The following PIERCE2 variants were observed in gnomAD, a reference collection of about 807,000 sequenced individuals.
PIERCE2 encodes the protein piercer of microtubule wall 2.
chr15:55,416,877 C>T, the PIERCE2 span, among the ~76,000 whole-genome samples: 1 of 152,128 alleles, frequency 6.6e-6, no homozygotes, highest in Admixed American at 6.5e-5. Context: ...AGGAGAATTG[C>T]TTGAACCCGG....
the PIERCE2 span, among the ~76,000 whole-genome samples, chr15:55,414,090 G>A: frequency 6.6e-6 from 1 of 151,510 alleles, no homozygotes; most frequent in Non-Finnish European, 1.5e-5. Context: ...GTAGAGACAG[G>A]GTTTCACCGC....
At chr15:55,416,519 T>C in the PIERCE2 span, among the ~76,000 whole-genome samples, 2 of 152,182 alleles carry the variant, frequency 1.3e-5, no homozygotes, top group African/African-American at 4.8e-5. Context: ...TATTACATTG[T>C]AGTACATTGT....
At chr15:55,417,070 C>T in the PIERCE2 span, among the ~76,000 whole-genome samples, 1 of 152,170 alleles carries the variant, frequency 6.6e-6, no homozygotes, top group East Asian at 1.9e-4. Context: ...CAGCTCCTCA[C>T]CACATTCACA....
the PIERCE2 span, among the ~76,000 whole-genome samples, chr15:55,411,313 A>G: frequency 3.3e-5 from 5 of 151,742 alleles, no homozygotes; most frequent in Non-Finnish European, 7.4e-5. Flanking sequence ...AAAACACAAA[A>G]ATTAGCCAGG....
the PIERCE2 span, chr15:55,418,648 T>A: frequency 1.0e-6 from 1 of 977,382 alleles, no homozygotes; most frequent in East Asian, 2.7e-5. Flanking sequence ...GAATACCTAA[T>A]AAAGAAGATA....
chr15:55,414,984 C>G, the PIERCE2 span, among the ~76,000 whole-genome samples: 2 of 152,202 alleles, frequency 1.3e-5, no homozygotes, highest in Non-Finnish European at 2.9e-5. Context: ...ACTAACAGCA[C>G]TTTAGAGAAT....
At chr15:55,418,651 A>C in the PIERCE2 span, 1 of 976,174 alleles carries the variant, frequency 1.0e-6, no homozygotes, top group African/African-American at 1.6e-5. Context: ...TACCTAATAA[A>C]GAAGATAAAA....
chr15:55,416,336 G>A, the PIERCE2 span, among the ~76,000 whole-genome samples: 3 of 152,104 alleles, frequency 2.0e-5, no homozygotes, highest in African/African-American at 4.8e-5. Flanking sequence ...TCTTGACCTC[G>A]TGATCCGCCC....
chr15:55,417,638 A>G, the PIERCE2 span: 1 of 152,708 alleles, frequency 6.5e-6, no homozygotes, highest in Admixed American at 6.5e-5. Context: ...TCATAGTTCT[A>G]GTACAGAATG....
chr15:55,412,863 C>T, the PIERCE2 span, among the ~76,000 whole-genome samples: 3 of 152,120 alleles, frequency 2.0e-5, no homozygotes, highest in Non-Finnish European at 2.9e-5. Context: ...GATATGGTAG[C>T]TTATGCCTGT....
chr15:55,412,329 A>G, the PIERCE2 span, among the ~76,000 whole-genome samples: 1 of 152,082 alleles, frequency 6.6e-6, no homozygotes, highest in South Asian at 2.1e-4. Context: ...TTCGCTTATG[A>G]TTCTCATTAA....
the PIERCE2 span, among the ~76,000 whole-genome samples, chr15:55,408,986 G>C: frequency 6.6e-6 from 1 of 152,150 alleles, no homozygotes; most frequent in East Asian, 1.9e-4. Context: ...AGACCATCGA[G>C]ATTGTATGCA....
the PIERCE2 span, among the ~76,000 whole-genome samples, chr15:55,416,541 C>G: frequency 6.6e-6 from 1 of 152,126 alleles, no homozygotes; most frequent in African/African-American, 2.4e-5. Context: ...GTAAATGGCA[C>G]CACCATCCGC....
At chr15:55,412,220 C>T in the PIERCE2 span, among the ~76,000 whole-genome samples, 1 of 151,418 alleles carries the variant, frequency 6.6e-6, no homozygotes, top group Non-Finnish European at 1.5e-5. Context: ...ACCAGTTTTA[C>T]AGATAATATA....
the PIERCE2 span, chr15:55,417,994 G>C: frequency 2.6e-6 from 2 of 778,160 alleles, no homozygotes; most frequent in East Asian, 5.5e-5. Flanking sequence ...GTTAAGGCAG[G>C]AACCGGCCAT....
the PIERCE2 span, among the ~76,000 whole-genome samples, chr15:55,413,987 T>G: frequency 4.0e-5 from 6 of 150,290 alleles, no homozygotes; most frequent in African/African-American, 1.5e-4. Context: ...AAGCTCCATC[T>G]CCCAGGTTCA....
chr15:55,418,567 A>G, the PIERCE2 span: 14 of 1,434,800 alleles, frequency 9.8e-6, no homozygotes, highest in Admixed American at 2.3e-5. Context: ...AACACACTCT[A>G]TGAAAATATA....
At chr15:55,415,178 A>G in the PIERCE2 span, among the ~76,000 whole-genome samples, 2 of 151,724 alleles carry the variant, frequency 1.3e-5, no homozygotes, top group Non-Finnish European at 2.9e-5. Flanking sequence ...TTAAAGAAGG[A>G]AGGGCTTGGC....
the PIERCE2 span, among the ~76,000 whole-genome samples, chr15:55,412,585 G>A: frequency 9.9e-4 from 150 of 152,118 alleles, no homozygotes; most frequent in Non-Finnish European, 4.7e-4. Context: ...AACTTTAGTA[G>A]GGACACTATT....
Sources: allele counts gnomAD v4.1 joint callset (sites outside exome capture counted in the v4.1 genomes callset), GRCh38; gene constraint gnomAD v4.1.1; transcripts MANE v1.5; gene names NCBI Gene and HGNC (gene_info 2026-07-23, HGNC 2026-07-21).